The following AMPH variants were observed in gnomAD, a reference collection of about 807,000 sequenced individuals.
AMPH encodes the protein amphiphysin (Stiff-Mann syndrome with breast cancer 128kD autoantigen).
In AMPH, 49 loss-of-function variants were observed where a neutral mutation model predicts 99.1. The observed-to-expected ratio is 0.49, with a 90% confidence interval of 0.39 to 0.63. The LOEUF is 0.63. Among genes scored for constraint, AMPH ranks in the 20% least tolerant of loss-of-function variants. The probability of loss-of-function intolerance (pLI) is 0.00; values close to 1 mark genes in which losing one functional copy is unlikely to be tolerated. For synonymous variants in AMPH, 314 were observed against 317.3 expected, an observed-to-expected ratio of 0.99 and a Z score of 0.11; for missense variants, 759 against 863.4, an observed-to-expected ratio of 0.88 and a Z score of 1.52.
At chr7:38,403,681 C>T (rs923597841) in intron 17 of AMPH, among the ~76,000 whole-genome samples, 1 of 152,200 alleles carries the variant, frequency 6.6e-6, no homozygotes, top group African/African-American at 2.4e-5. Context: ...AGGGGGAATA[C>T]GGCCTGCCAA....
At chr7:38,598,883 C>T (rs1189443125) in intron 1 of AMPH, among the ~76,000 whole-genome samples, 1 of 151,828 alleles carries the variant, frequency 6.6e-6, no homozygotes, top group Non-Finnish European at 1.5e-5. Flanking sequence ...TTGGGTTTTC[C>T]TGGCTTCTTA....
intron 1 of AMPH, among the ~76,000 whole-genome samples, chr7:38,584,349 G>C (rs1792571903): frequency 6.6e-6 from 1 of 152,190 alleles, no homozygotes; most frequent in Non-Finnish European, 1.5e-5. Context: ...GTAGTAGGAA[G>C]TTTTAGTAGG....
At chr7:38,438,994 G>A (rs73352627) in intron 11 of AMPH, among the ~76,000 whole-genome samples, 3,390 of 152,258 alleles carry the variant, frequency 0.022, 119 homozygotes, top group African/African-American at 0.074. Context: ...GGAGGAACCT[G>A]GTGAGAGGTG....
intron 19 of AMPH, among the ~76,000 whole-genome samples, chr7:38,391,547 T>G (rs2128974390): frequency 6.6e-6 from 1 of 152,342 alleles, no homozygotes; most frequent in East Asian, 1.9e-4. Flanking sequence ...TGTGGTGAAC[T>G]TCCCTTTAAT....
intron 17 of AMPH, among the ~76,000 whole-genome samples, chr7:38,395,460 G>A (rs1482562782): frequency 6.6e-6 from 1 of 152,184 alleles, no homozygotes; most frequent in South Asian, 2.1e-4. Context: ...TAAAATTTGA[G>A]ATAATGAAAT....
chr7:38,448,486 G>A (rs916964630), intron 11 of AMPH, among the ~76,000 whole-genome samples: 10 of 152,132 alleles, frequency 6.6e-5, no homozygotes, highest in Admixed American at 5.2e-4. Flanking sequence ...TATCAATTAG[G>A]CATAGTAAGA....
intron 1 of AMPH, among the ~76,000 whole-genome samples, chr7:38,590,792 T>C (rs1424069877): frequency 2.6e-5 from 4 of 152,138 alleles, no homozygotes; most frequent in African/African-American, 9.7e-5. Context: ...TCTCAGAAGT[T>C]CCCTGGAAAA....
At chr7:38,500,938 G>C (rs1260455201) in intron 3 of AMPH, among the ~76,000 whole-genome samples, 1 of 152,170 alleles carries the variant, frequency 6.6e-6, no homozygotes, top group Non-Finnish European at 1.5e-5. Flanking sequence ...AAAATGCTTA[G>C]CACAGACTCT....
chr7:38,502,281 T>A (rs1545145), intron 3 of AMPH, among the ~76,000 whole-genome samples: 4 of 152,138 alleles, frequency 2.6e-5, no homozygotes, highest in Admixed American at 6.5e-5. Flanking sequence ...GAGACTAAAT[T>A]TACTGTATTT....
intron 1 of AMPH, among the ~76,000 whole-genome samples, chr7:38,564,991 G>A (rs1791681713): frequency 6.6e-6 from 1 of 151,938 alleles, no homozygotes; most frequent in South Asian, 2.1e-4. Context: ...GGGCGTGGTG[G>A]CGGGTGCCTG....
At chr7:38,459,044 AT>A in intron 11 of AMPH, among the ~76,000 whole-genome samples, 1 of 152,152 alleles carries the variant, frequency 6.6e-6, no homozygotes, top group Non-Finnish European at 1.5e-5. Flanking sequence ...TGTAAAAAAA[AT>A]CAACATACAA....
chr7:38,446,456 T>C (rs1204944503), intron 11 of AMPH, among the ~76,000 whole-genome samples: 1 of 150,036 alleles, frequency 6.7e-6, no homozygotes, highest in East Asian at 2.2e-4. Flanking sequence ...AATGGAATAC[T>C]ACTCAATAAG....
At chr7:38,480,885 AT>A (rs1788260102) in intron 5 of AMPH, among the ~76,000 whole-genome samples, 1 of 152,180 alleles carries the variant, frequency 6.6e-6, no homozygotes, top group South Asian at 2.1e-4. Context: ...CATTCCTTTA[AT>A]ATCTTCCAAG....
At chr7:38,560,045 C>A (rs1051121885) in intron 1 of AMPH, among the ~76,000 whole-genome samples, 1 of 152,240 alleles carries the variant, frequency 6.6e-6, no homozygotes, top group African/African-American at 2.4e-5. Context: ...CCCACAAAAT[C>A]TTTCATTTCC....
In AMPH at chr7:38,543,452, T is replaced by A. The variant is rs927195272; in HGVS notation, c.70-8441A>T. Among the ~76,000 whole-genome samples, 6 of 152,134 alleles carry A rather than the reference T, an allele frequency of 3.9e-5. No individual in the cohort carries two copies. In the East Asian group the frequency reaches 1.2e-3, roughly 29 times the overall value. On this transcript the variant is annotated intron_variant, in intron 1 of 20. Transcript: ENST00000356264. ...GCAGATAGATAGAATATGTTCTTGC[T>A]TTTTTTCCTCTTATAAAAAATGCCC... is the stretch of plus-strand genomic sequence containing the variant.
chr7:38,415,044 G>GC (rs1785329021), intron 17 of AMPH, among the ~76,000 whole-genome samples: 3 of 151,926 alleles, frequency 2.0e-5, no homozygotes, highest in Non-Finnish European at 2.9e-5. Flanking sequence ...CAAGAGTGTT[G>GC]TTTTTTTAAA....
intron 7 of AMPH, among the ~76,000 whole-genome samples, chr7:38,471,340 C>T (rs1787878152): frequency 6.6e-6 from 1 of 152,134 alleles, no homozygotes; most frequent in African/African-American, 2.4e-5. Context: ...TCTTTAGAGT[C>T]CTTCCTTCTT....
intron 15 of AMPH, 110 bp from the exon 16 acceptor site, chr7:38,422,587 T>TATCTATCTATCC: frequency 2.9e-6 from 2 of 692,014 alleles, no homozygotes; most frequent in South Asian, 3.7e-5. Flanking sequence ...TCTATCTATC[T>TATCTATCTATCC]ATCTATCTAT....
intron 1 of AMPH, among the ~76,000 whole-genome samples, chr7:38,571,804 C>T (rs1465676984): frequency 1.3e-5 from 2 of 151,934 alleles, no homozygotes; most frequent in Non-Finnish European, 2.9e-5. Context: ...CAGTCATGTG[C>T]TGCCCTAGGC....
Sources: allele counts gnomAD v4.1 joint callset (sites outside exome capture counted in the v4.1 genomes callset), GRCh38; gene constraint gnomAD v4.1.1; transcripts MANE v1.5; gene names NCBI Gene and HGNC (gene_info 2026-07-23, HGNC 2026-07-21).